Variants in FAM53A observed in about 807,000 individuals in gnomAD.
The protein encoded by FAM53A is family with sequence similarity 53 member A.
FAM53A carries 28 observed loss-of-function variants against 26.6 expected under a neutral mutation model. The observed-to-expected ratio is 1.05, with a 90% confidence interval of 0.78 to 1.45. The LOEUF is 1.45. Ranked by LOEUF, FAM53A falls within the 40% of genes most tolerant of loss-of-function variation. FAM53A has a pLI of 0.00. For synonymous variants in FAM53A, 290 were observed against 253.1 expected (o/e 1.15, Z -1.38); for missense variants, 650 against 575.8 (o/e 1.13, Z -1.32).
chr4:1,610,612 C>T, the FAM53A span, among the ~76,000 whole-genome samples: 1 of 150,662 alleles, frequency 6.6e-6, no homozygotes, highest in East Asian at 2.0e-4. Context: ...GCAAAGTCCC[C>T]AGGCAGGGCA....
chr4:1,656,938 C>T (rs530974879), intron 3 of FAM53A, among the ~76,000 whole-genome samples: 5 of 152,272 alleles, frequency 3.3e-5, no homozygotes, highest in African/African-American at 7.2e-5. Flanking sequence ...CCTCCATACT[C>T]GGGGCACCTG....
intron 1 of FAM53A, among the ~76,000 whole-genome samples, chr4:1,672,771 T>C (rs1450127310): frequency 7.1e-5 from 10 of 140,308 alleles, no homozygotes; most frequent in Admixed American, 1.4e-4. Context: ...TTTTTTTTTT[T>C]TTTTTTTTTT....
intron 2 of FAM53A, among the ~76,000 whole-genome samples, chr4:1,660,835 C>T (rs1298507441): frequency 1.3e-5 from 2 of 151,442 alleles, no homozygotes; most frequent in Non-Finnish European, 2.9e-5. Flanking sequence ...GAGCGGAGAT[C>T]ACGCCTCTGC....
intron 1 of FAM53A, among the ~76,000 whole-genome samples, chr4:1,681,207 C>T (rs1180194719): frequency 6.6e-6 from 1 of 152,132 alleles, no homozygotes; most frequent in East Asian, 1.9e-4. Context: ...AGTGATTCTC[C>T]CACGTCAGCC....
chr4:1,626,000 G>A (rs550888793), intron 1 of FAM53A, among the ~76,000 whole-genome samples: 5 of 152,322 alleles, frequency 3.3e-5, no homozygotes, highest in African/African-American at 1.2e-4. Context: ...CCTCTGCAGA[G>A]CCTTCCAGGA....
At chr4:1,625,768 C>T (rs1231019979) in intron 1 of FAM53A, among the ~76,000 whole-genome samples, 1 of 123,352 alleles carries the variant, frequency 8.1e-6, no homozygotes, top group Admixed American at 7.8e-5. Flanking sequence ...CCCACATGGT[C>T]AGGGTCACGC....
At chr4:1,620,425 A>G (rs1714978849) in intron 1 of FAM53A, among the ~76,000 whole-genome samples, 1 of 151,448 alleles carries the variant, frequency 6.6e-6, no homozygotes. Context: ...CAGAGGGGGG[A>G]TTCTCTTTGG....
At chr4:1,675,023 G>A (rs1404377224) in intron 1 of FAM53A, among the ~76,000 whole-genome samples, 4 of 148,394 alleles carry the variant, frequency 2.7e-5, no homozygotes, top group South Asian at 2.1e-4. Context: ...GAAGGATGCC[G>A]TAGGACCCCA....
intron 1 of FAM53A, among the ~76,000 whole-genome samples, chr4:1,619,862 C>A (rs1411319431): frequency 6.6e-6 from 1 of 152,220 alleles, no homozygotes; most frequent in East Asian, 1.9e-4. Flanking sequence ...GCCCTGCGAT[C>A]ATCTAAGCTG....
At chr4:1,579,228 C>T in the FAM53A span, among the ~76,000 whole-genome samples, 1 of 150,156 alleles carries the variant, frequency 6.7e-6, no homozygotes, top group Non-Finnish European at 1.5e-5. Context: ...GCCATCCCCG[C>T]CCGAGGGTCC....
chr4:1,581,676 G>A, the FAM53A span, among the ~76,000 whole-genome samples: 177 of 152,168 alleles, frequency 1.2e-3, 1 homozygote, highest in African/African-American at 4.0e-3. Flanking sequence ...GGCTCACTGC[G>A]ACCTCTGCCT....
the FAM53A span, among the ~76,000 whole-genome samples, chr4:1,588,097 G>A: frequency 6.6e-6 from 1 of 152,142 alleles, no homozygotes; most frequent in Admixed American, 6.5e-5. Flanking sequence ...GTCAGCCATC[G>A]GCGGCTGTGA....
At chr4:1,576,843 A>G in the FAM53A span, among the ~76,000 whole-genome samples, 1 of 152,160 alleles carries the variant, frequency 6.6e-6, no homozygotes, top group South Asian at 2.1e-4. Flanking sequence ...TTTGTCAGAC[A>G]TCAGACTTCA....
At chr4:1,600,566 A>G in the FAM53A span, among the ~76,000 whole-genome samples, 1 of 152,160 alleles carries the variant, frequency 6.6e-6, no homozygotes, top group Non-Finnish European at 1.5e-5. Flanking sequence ...GGCCAGGGTG[A>G]GCAAGAAAGG....
intron 4 of FAM53A, among the ~76,000 whole-genome samples, chr4:1,654,760 T>C (rs1272165355): frequency 6.6e-6 from 1 of 152,232 alleles, no homozygotes; most frequent in Non-Finnish European, 1.5e-5. Context: ...GCTCTGCCTC[T>C]GCGGGAGCAG....
At chr4:1,679,211 C>A (rs996300425) in intron 1 of FAM53A, among the ~76,000 whole-genome samples, 6 of 151,768 alleles carry the variant, frequency 4.0e-5, no homozygotes, top group Non-Finnish European at 7.4e-5. Flanking sequence ...ATGGTGAAAC[C>A]CCATCTCTAC....
chr4:1,628,865 C>T (rs1715481256), intron 1 of FAM53A, among the ~76,000 whole-genome samples: 1 of 150,584 alleles, frequency 6.6e-6, no homozygotes, highest in South Asian at 2.1e-4. Flanking sequence ...CACACTTGCA[C>T]TAAGACTCCC....
rs781258876 is a variant in FAM53A, at chr4:1,659,065, A to G, written c.76-1597T>C. Among the ~76,000 whole-genome samples the G allele has an allele frequency of 6.6e-6, 1 of 152,240 alleles. No homozygotes were observed. Among genetic ancestry groups the G allele is most frequent in the Non-Finnish European group, 1.5e-5 (1 of 68,040 alleles). On this transcript the variant is annotated intron_variant, in intron 2 of 4. Transcript: ENST00000308132. The surrounding 1 kb of genome is among the most constrained non-coding windows in gnomAD (Gnocchi z 5.2). ...TCCTTCACTGCTTCCTGTAAAGGGAATAAGTTAAAAGTTGGGTTTGTGACC... is the reference window on the plus strand; with the variant it reads ...TCCTTCACTGCTTCCTGTAAAGGGAGTAAGTTAAAAGTTGGGTTTGTGACC...
intron 1 of FAM53A, among the ~76,000 whole-genome samples, chr4:1,623,406 G>A (rs1202345923): frequency 6.6e-6 from 1 of 151,756 alleles, no homozygotes; most frequent in East Asian, 1.9e-4. Context: ...CGGCCCCCGA[G>A]GGATGGCAGC....
Sources: gnomAD v4.1 joint callset for allele counts (sites outside exome capture counted in the v4.1 genomes callset) on GRCh38, gnomAD v4.1.1 for gene constraint, Gnocchi (gnomAD v3.1) non-coding constraint, MANE v1.5 for transcripts, NCBI Gene and HGNC (gene_info 2026-07-23, HGNC 2026-07-21) for gene names.